The following SLC44A5 variants were observed in gnomAD, a reference collection of about 807,000 sequenced individuals.
SLC44A5 encodes the protein choline transporter-like protein 5.
Under a neutral mutation model 101.8 loss-of-function variants are expected in SLC44A5, and 57 were observed. The ratio of observed to expected loss-of-function variants is 0.56; its 90% CI spans 0.45 to 0.70. SLC44A5 has a LOEUF of 0.70. SLC44A5 is among the 30% of genes least tolerant of loss of function. The pLI is 0.00. For synonymous variants in SLC44A5, 281 were observed against 290.9 expected (o/e 0.97, Z 0.35); for missense variants, 737 against 853.1 (o/e 0.86, Z 1.70).
At chr1:75,400,693 C>A (rs1662422651) in intron 2 of SLC44A5, among the ~76,000 whole-genome samples, 2 of 152,168 alleles carry the variant, frequency 1.3e-5, no homozygotes, top group Non-Finnish European at 1.5e-5. Context: ...GGGCTCCATT[C>A]CCCTTTCCTG....
At chr1:75,668,672 G>C in the SLC44A5 span, among the ~76,000 whole-genome samples, 1 of 151,234 alleles carries the variant, frequency 6.6e-6, no homozygotes, top group Non-Finnish European at 1.5e-5. Context: ...TCTTTCTGTG[G>C]TTAAAGGAAC....
intron 4 of SLC44A5, chr1:75,311,538 G>A (rs760062955): frequency 2.0e-6 from 2 of 984,350 alleles, no homozygotes; most frequent in Non-Finnish European, 2.4e-6. Flanking sequence ...ACAGGTACCA[G>A]CTCCTACTAA....
intron 3 of SLC44A5, among the ~76,000 whole-genome samples, chr1:75,376,028 G>C (rs555914410): frequency 6.6e-6 from 1 of 152,234 alleles, no homozygotes; most frequent in Non-Finnish European, 1.5e-5. Flanking sequence ...CACTTGGGAA[G>C]TGCAAGGGGT....
At chr1:75,492,544 A>G (rs1668478201) in intron 2 of SLC44A5, among the ~76,000 whole-genome samples, 1 of 152,232 alleles carries the variant, frequency 6.6e-6, no homozygotes, top group Non-Finnish European at 1.5e-5. Context: ...TAGTCTAATA[A>G]GGAAGATATA....
At chr1:75,619,560 A>T in the SLC44A5 span, among the ~76,000 whole-genome samples, 1 of 152,160 alleles carries the variant, frequency 6.6e-6, no homozygotes, top group Non-Finnish European at 1.5e-5. Context: ...CATTAAAAAA[A>T]CAAAAACACA....
chr1:75,516,665 C>T (rs146506977), intron 2 of SLC44A5, among the ~76,000 whole-genome samples: 1 of 152,182 alleles, frequency 6.6e-6, no homozygotes, highest in Non-Finnish European at 1.5e-5. Context: ...TAGATTATGA[C>T]CAGGGTAGGC....
intron 3 of SLC44A5, among the ~76,000 whole-genome samples, chr1:75,386,118 A>G (rs969578802): frequency 7.2e-4 from 110 of 151,774 alleles, no homozygotes; most frequent in African/African-American, 2.0e-3. Flanking sequence ...AATGGGCAAA[A>G]ACTGGAAGCA....
At chr1:75,621,207 A>G in the SLC44A5 span, among the ~76,000 whole-genome samples, 1 of 152,210 alleles carries the variant, frequency 6.6e-6, no homozygotes, top group Non-Finnish European at 1.5e-5. Flanking sequence ...TGACAAGGAC[A>G]AAACTGGCCT....
chr1:75,245,463 T>C (rs1649027444), intron 7 of SLC44A5, among the ~76,000 whole-genome samples: 1 of 152,142 alleles, frequency 6.6e-6, no homozygotes, highest in Non-Finnish European at 1.5e-5. Context: ...AGGAGATACT[T>C]GACAGACATT....
chr1:75,488,082 C>G (rs1668247132), intron 2 of SLC44A5, among the ~76,000 whole-genome samples: 1 of 152,130 alleles, frequency 6.6e-6, no homozygotes, highest in African/African-American at 2.4e-5. Flanking sequence ...CTCCCATCAC[C>G]CCCAGATGGG....
chr1:75,586,907 A>ATT (rs34309545), intron 1 of SLC44A5, among the ~76,000 whole-genome samples: 31 of 150,552 alleles, frequency 2.1e-4, no homozygotes, highest in East Asian at 3.9e-4. Context: ...AAGTTTTGTG[A>ATT]TTTTTTTTTT....
At chr1:75,522,511 G>A (rs12402769) in intron 2 of SLC44A5, among the ~76,000 whole-genome samples, 2 of 152,028 alleles carry the variant, frequency 1.3e-5, no homozygotes, top group Admixed American at 1.3e-4. Flanking sequence ...TGCCCTGCCA[G>A]ATTCTTTTTC....
intron 2 of SLC44A5, among the ~76,000 whole-genome samples, chr1:75,482,820 C>T (rs973691155): frequency 1.3e-5 from 2 of 152,068 alleles, no homozygotes; most frequent in East Asian, 3.9e-4. Flanking sequence ...TCAATTTGTT[C>T]CCTCAGATAT....
At chr1:75,646,403 G>A in the SLC44A5 span, among the ~76,000 whole-genome samples, 1 of 152,034 alleles carries the variant, frequency 6.6e-6, no homozygotes, top group African/African-American at 2.4e-5. Context: ...AATTGTGAAT[G>A]GGAGTTCACT....
chr1:75,501,487 C>T lies in SLC44A5; in HGVS notation c.13+39948G>A, dbSNP rs1668956328. Among the ~76,000 whole-genome samples, 15 of 152,288 alleles carry T rather than the reference C, an allele frequency of 9.8e-5. No individual in the cohort carries two copies. In the South Asian group the frequency reaches 3.1e-3, roughly 32 times the overall value. On this transcript the variant is annotated intron_variant, in intron 2 of 23. Transcript: ENST00000370859. The stretch of plus-strand genomic sequence containing the variant: ...TTGCTACTTTTTCAAGGTAATCTCA[C>T]ATTATTAAGGGGAGCATTCCAGTAA...
At chr1:75,404,025 A>C (rs1420282046) in intron 2 of SLC44A5, among the ~76,000 whole-genome samples, 1 of 152,044 alleles carries the variant, frequency 6.6e-6, no homozygotes, top group Admixed American at 6.6e-5. Context: ...GGAGCTGCAA[A>C]ACACAGCACA....
the SLC44A5 span, among the ~76,000 whole-genome samples, chr1:75,706,237 CTTT>C: frequency 1.3e-5 from 2 of 152,190 alleles, no homozygotes; most frequent in South Asian, 4.1e-4. Flanking sequence ...TTGATTTCTT[CTTT>C]AACTTACAAA....
chr1:75,407,875 C>G (rs1446314818), intron 2 of SLC44A5, among the ~76,000 whole-genome samples: 2 of 152,168 alleles, frequency 1.3e-5, no homozygotes, highest in African/African-American at 4.8e-5. Flanking sequence ...TCTAATCAAA[C>G]TAAAGAGTTT....
At chr1:75,403,235 G>A (rs1018597664) in intron 2 of SLC44A5, among the ~76,000 whole-genome samples, 4 of 152,204 alleles carry the variant, frequency 2.6e-5, no homozygotes, top group South Asian at 2.1e-4. Flanking sequence ...CCCTGGGACA[G>A]AGCACCTGGG....
Sources: gnomAD v4.1 joint callset for allele counts (sites outside exome capture counted in the v4.1 genomes callset) on GRCh38, gnomAD v4.1.1 for gene constraint, MANE v1.5 for transcripts, NCBI Gene and HGNC (gene_info 2026-07-23, HGNC 2026-07-21) for gene names.